The following FNIP1 variants were observed in gnomAD, a reference collection of about 807,000 sequenced individuals.
FNIP1 encodes folliculin interacting protein 1, also known as folliculin-interacting protein 1.
A neutral mutation model predicts 124.5 loss-of-function variants in FNIP1; 40 were observed. The ratio of observed to expected loss-of-function variants is 0.32; its 90% CI spans 0.25 to 0.42. The LOEUF is 0.42. FNIP1 is among the 10% of genes least tolerant of loss of function. The pLI is 1.00. For synonymous variants in FNIP1, 472 were observed against 470.6 expected, an observed-to-expected ratio of 1.00 and a Z score of -0.04; for missense variants, 1,176 against 1,403.7, an observed-to-expected ratio of 0.84 and a Z score of 2.59.
At chr5:131,779,970 T>C (rs968454492) in intron 1 of FNIP1, among the ~76,000 whole-genome samples, 25 of 151,622 alleles carry the variant, frequency 1.6e-4, no homozygotes, top group Non-Finnish European at 3.4e-4. Context: ...GAGGCCAAGG[T>C]GAGTGGATCC....
At chr5:131,652,443 C>T (rs1767067168) in intron 15 of FNIP1, among the ~76,000 whole-genome samples, 1 of 152,200 alleles carries the variant, frequency 6.6e-6, no homozygotes, top group Non-Finnish European at 1.5e-5. Context: ...CAACCTCCGC[C>T]TCCCAGGTTC....
intron 11 of FNIP1, among the ~76,000 whole-genome samples, chr5:131,680,512 T>C (rs1768046161): frequency 6.6e-6 from 1 of 152,220 alleles, no homozygotes; most frequent in African/African-American, 2.4e-5. Context: ...ATTACAGGTG[T>C]CCAGATACGA....
rs148195254 is a variant in FNIP1, at chr5:131,718,106, C to T, written c.530+880G>A. ...ACTCTGGAGGCTGAGTCAGGAGAAT[C>T]GCTTGAACCCAGGACAGAGGTTGCA... On this transcript the variant is annotated intron_variant, in intron 5 of 17. Transcript: ENST00000510461. Among the ~76,000 whole-genome samples the T allele has an allele frequency of 3.1e-3, 475 of 151,202 alleles. 3 individuals are homozygous for T. The highest frequency in any genetic ancestry group is 0.011 in the African/African-American group (452 of 41,240).
At chr5:131,725,379 G>A (rs888298152) in intron 3 of FNIP1, among the ~76,000 whole-genome samples, 52 of 152,232 alleles carry the variant, frequency 3.4e-4, no homozygotes, top group Admixed American at 9.8e-4. Flanking sequence ...TTTTCCTTGA[G>A]CAGTGGTTTG....
intron 13 of FNIP1, among the ~76,000 whole-genome samples, chr5:131,673,646 AAT>A (rs1466087694): frequency 6.6e-6 from 1 of 152,214 alleles, no homozygotes; most frequent in Non-Finnish European, 1.5e-5. Context: ...GACAAAGCAC[AAT>A]ATCCACTGGC....
At chr5:131,771,604 G>C (rs1345233781) in intron 1 of FNIP1, among the ~76,000 whole-genome samples, 1 of 152,128 alleles carries the variant, frequency 6.6e-6, no homozygotes, top group Admixed American at 6.6e-5. Context: ...TCAAAAATCT[G>C]TAAGTCCTCT....
intron 2 of FNIP1, among the ~76,000 whole-genome samples, chr5:131,743,906 GAAA>G (rs936793473): frequency 1.3e-5 from 2 of 152,056 alleles, no homozygotes; most frequent in African/African-American, 4.8e-5. Flanking sequence ...AAAAAGTAAA[GAAA>G]AATTATTTTA....
chr5:131,711,870 G>A (rs771561559), intron 6 of FNIP1, among the ~76,000 whole-genome samples: 8 of 152,148 alleles, frequency 5.3e-5, no homozygotes, highest in Non-Finnish European at 1.2e-4. Context: ...CACATGTACA[G>A]CAATCCTTCC....
At chr5:131,789,981 A>G (rs565844940) in intron 1 of FNIP1, among the ~76,000 whole-genome samples, 1 of 152,340 alleles carries the variant, frequency 6.6e-6, no homozygotes, top group Non-Finnish European at 1.5e-5. Flanking sequence ...TGACTTTATT[A>G]AACTGTCATC....
intron 16 of FNIP1, 21 bp from the exon 17 acceptor site, chr5:131,647,226 A>T: frequency 6.3e-7 from 1 of 1,587,452 alleles, no homozygotes; most frequent in Non-Finnish European, 8.7e-7. Flanking sequence ...GGAGGAACCA[A>T]GAACCAGGTC....
chr5:131,658,234 ATAT>A (rs1561640441), intron 15 of FNIP1, among the ~76,000 whole-genome samples: 1 of 152,278 alleles, frequency 6.6e-6, no homozygotes, highest in Non-Finnish European at 1.5e-5. Context: ...AGAAGGGTTC[ATAT>A]TATTCAAGAC....
At chr5:131,732,050 T>C (rs1770112496) in intron 2 of FNIP1, among the ~76,000 whole-genome samples, 1 of 152,188 alleles carries the variant, frequency 6.6e-6, no homozygotes, top group Non-Finnish European at 1.5e-5. Context: ...TATTTCTTTT[T>C]AATTCCTCTT....
chr5:131,748,278 T>C (rs1057170550), intron 1 of FNIP1, among the ~76,000 whole-genome samples: 1 of 152,210 alleles, frequency 6.6e-6, no homozygotes, highest in Non-Finnish European at 1.5e-5. Flanking sequence ...TGTCATCACA[T>C]GGTAGCACAA....
At chr5:131,653,660 C>T (rs1409613128) in intron 15 of FNIP1, among the ~76,000 whole-genome samples, 3 of 152,216 alleles carry the variant, frequency 2.0e-5, no homozygotes, top group Non-Finnish European at 4.4e-5. Flanking sequence ...TATTGAAGAT[C>T]TCTGTGAAGC....
At chr5:131,764,537 TCAAA>T (rs1472794777) in intron 1 of FNIP1, among the ~76,000 whole-genome samples, 4 of 151,976 alleles carry the variant, frequency 2.6e-5, no homozygotes, top group Non-Finnish European at 5.9e-5. Flanking sequence ...ACTCATGGGC[TCAAA>T]CAGTCTGTCC....
intron 2 of FNIP1, among the ~76,000 whole-genome samples, chr5:131,735,150 T>A (rs2149553494): frequency 6.6e-6 from 1 of 152,254 alleles, no homozygotes; most frequent in Non-Finnish European, 1.5e-5. Context: ...TGAGTTCATG[T>A]CCTTTGTAGG....
At chr5:131,785,695 C>T (rs1772191615) in intron 1 of FNIP1, among the ~76,000 whole-genome samples, 1 of 152,076 alleles carries the variant, frequency 6.6e-6, no homozygotes, top group Admixed American at 6.5e-5. Flanking sequence ...AATGTTCAGG[C>T]ATTTCGTTAA....
At chr5:131,699,830 C>T (rs1056989048) in intron 10 of FNIP1, among the ~76,000 whole-genome samples, 2 of 138,924 alleles carry the variant, frequency 1.4e-5, no homozygotes, top group African/African-American at 5.1e-5. Context: ...GCATGAGAAT[C>T]GCTTGAACCC....
intron 1 of FNIP1, among the ~76,000 whole-genome samples, chr5:131,769,951 C>T (rs556917724): frequency 2.6e-5 from 4 of 152,202 alleles, no homozygotes; most frequent in South Asian, 2.1e-4. Flanking sequence ...TTTAAGGATG[C>T]TTTAACTAAA....
Sources: gnomAD v4.1 joint callset for allele counts (sites outside exome capture counted in the v4.1 genomes callset) on GRCh38, gnomAD v4.1.1 for gene constraint, MANE v1.5 for transcripts, NCBI Gene and HGNC (gene_info 2026-07-23, HGNC 2026-07-21) for gene names.